Variants in MED15 observed in about 807,000 individuals in gnomAD.
MED15 encodes the protein mediator of RNA polymerase II transcription subunit 15.
A neutral mutation model predicts 118.7 loss-of-function variants in MED15; 41 were observed. That is an observed-to-expected ratio of 0.35 (90% CI 0.27 to 0.45). The LOEUF (loss-of-function observed/expected upper bound fraction) is 0.45. Ranked by LOEUF, MED15 falls within the 20% of genes least tolerant of loss-of-function variation. MED15 has a pLI of 1.00. For synonymous variants in MED15, 436 were observed against 413.9 expected (o/e 1.05, Z -0.65); for missense variants, 740 against 1,025.5 (o/e 0.72, Z 3.80).
At chr22:20,532,467 T>G (rs534739639) in intron 1 of MED15, among the ~76,000 whole-genome samples, 2 of 152,210 alleles carry the variant, frequency 1.3e-5, no homozygotes, top group South Asian at 4.2e-4. Flanking sequence ...GATGAATCGG[T>G]CCCCTGGGAG....
intron 1 of MED15, among the ~76,000 whole-genome samples, chr22:20,523,255 G>A (rs900815887): frequency 6.6e-6 from 1 of 152,128 alleles, no homozygotes; most frequent in African/African-American, 2.4e-5. Context: ...CCTGGATGGA[G>A]TCTGGCTGGG....
intron 5 of MED15, among the ~76,000 whole-genome samples, chr22:20,557,571 A>C (rs571120296): frequency 6.7e-6 from 1 of 148,598 alleles, no homozygotes; most frequent in Non-Finnish European, 1.5e-5. Context: ...TACTTGGTGC[A>C]TTTTTTTTTT....
intron 8 of MED15, chr22:20,573,872 G>C (rs1211369222): frequency 6.6e-6 from 1 of 152,178 alleles, no homozygotes; most frequent in Admixed American, 6.5e-5. Flanking sequence ...GTGGTAAATC[G>C]ACTCTCACCC....
intron 6 of MED15, among the ~76,000 whole-genome samples, chr22:20,565,674 A>G (rs1387921098): frequency 6.6e-6 from 1 of 151,970 alleles, no homozygotes; most frequent in African/African-American, 2.4e-5. Flanking sequence ...CTGCAGCCAC[A>G]CTTTTCCTTC....
At chr22:20,570,080 A>G (rs2056589380) in intron 8 of MED15, among the ~76,000 whole-genome samples, 1 of 152,200 alleles carries the variant, frequency 6.6e-6, no homozygotes, top group Admixed American at 6.5e-5. Context: ...GCTGGAGTAC[A>G]GTGGCACGAT....
chr22:20,552,405 T>C, intron 3 of MED15: 1 of 278,896 alleles, frequency 3.6e-6, no homozygotes, highest in East Asian at 1.3e-4. Flanking sequence ...TTCACCAGAA[T>C]GGCCAGCAAA....
chr22:20,528,840 C>T (rs1342972223), intron 1 of MED15, among the ~76,000 whole-genome samples: 1 of 152,214 alleles, frequency 6.6e-6, no homozygotes, highest in Non-Finnish European at 1.5e-5. Context: ...GCCCCCTAGT[C>T]CAGTGACTAT....
At chr22:20,554,838 G>A in intron 4 of MED15, 98 bp from the exon 5 acceptor site, 1 of 1,205,912 alleles carries the variant, frequency 8.3e-7, no homozygotes. Context: ...TGAGCCTGTA[G>A]GTAGGCGAGA....
chr22:20,537,278 T>C, intron 2 of MED15, 74 bp downstream of exon 2: 1 of 1,360,018 alleles, frequency 7.4e-7, no homozygotes, highest in Non-Finnish European at 1.0e-6. Context: ...CTGGAACCCC[T>C]CTGTTGGGTG....
chr22:20,536,986 C>T (rs2055104377), intron 1 of MED15, 131 bp from the exon 2 acceptor site: 1 of 720,532 alleles, frequency 1.4e-6, no homozygotes, highest in Non-Finnish European at 2.3e-6. Context: ...TCCTGGACCT[C>T]AGCCAGGCTG....
At chr22:20,523,726 G>A (rs756838375) in intron 1 of MED15, 1 of 985,416 alleles carries the variant, frequency 1.0e-6, no homozygotes, top group Non-Finnish European at 1.2e-6. Context: ...AGATCTCGAG[G>A]CCTTTCCAAC....
At chr22:20,526,736 C>G (rs1053491070) in intron 1 of MED15, among the ~76,000 whole-genome samples, 4 of 152,190 alleles carry the variant, frequency 2.6e-5, no homozygotes, top group African/African-American at 9.7e-5. Context: ...ACCTCGGCCT[C>G]CCAAAGGAGG....
At chr22:20,551,711 T>TG in intron 3 of MED15, 1 of 591,652 alleles carries the variant, frequency 1.7e-6, no homozygotes. Context: ...ATCATGGAAA[T>TG]GCTGTCCTCA....
chr22:20,561,586 T>G (rs570356174), intron 5 of MED15, among the ~76,000 whole-genome samples: 5 of 151,722 alleles, frequency 3.3e-5, no homozygotes, highest in African/African-American at 1.2e-4. Flanking sequence ...GTAATCATAA[T>G]AAATGTGAGT....
chr22:20,543,964 ACT>A (rs1239763837), intron 2 of MED15, among the ~76,000 whole-genome samples: 1 of 152,188 alleles, frequency 6.6e-6, no homozygotes, highest in African/African-American at 2.4e-5. Context: ...ATCCAGCTAA[ACT>A]TTTTGCCATT....
At chr22:20,538,710 G>A (rs948162101) in intron 2 of MED15, among the ~76,000 whole-genome samples, 11 of 120,724 alleles carry the variant, frequency 9.1e-5, no homozygotes, top group South Asian at 2.2e-4. Flanking sequence ...TTGTTTGTGC[G>A]TGTGTGTGTG....
At chr22:20,552,718 G>T in intron 3 of MED15, 1 of 293,100 alleles carries the variant, frequency 3.4e-6, no homozygotes. Flanking sequence ...AGGTAACAGA[G>T]ACACTGCCTC....
chr22:20,555,279 A>G, intron 5 of MED15, 131 bp downstream of exon 5: 2 of 1,062,508 alleles, frequency 1.9e-6, no homozygotes, highest in Non-Finnish European at 2.6e-6. Context: ...TTGTTTTTTA[A>G]ATCTTTGTTG....
chr22:20,575,082 C>T lies in MED15; in HGVS notation c.1153-31C>T, dbSNP rs766176099. On this transcript the variant is annotated intron_variant, in intron 8 of 17. Coordinates refer to ENST00000263205, the MANE Select transcript of MED15 (RefSeq NM_001003891.3). ...AGGCACTGAGTTTCTTTGTTGCGAT[C>T]ACCTTGTCTGTTGTCCCTCTGTCCT... The T allele has an allele frequency of 7.4e-6, 12 of 1,612,034 alleles. No homozygotes were observed. In the Admixed American group the frequency reaches 1.8e-4, roughly 25 times the overall value.
Sources: allele counts gnomAD v4.1 joint callset (sites outside exome capture counted in the v4.1 genomes callset), GRCh38; gene constraint gnomAD v4.1.1; transcripts MANE v1.5; gene names NCBI Gene and HGNC (gene_info 2026-07-23, HGNC 2026-07-21).